Variants in SEMA6D observed in about 807,000 individuals in gnomAD.
The protein encoded by SEMA6D is semaphorin-6D.
In SEMA6D, 35 loss-of-function variants were observed where a neutral mutation model predicts 106.6. The observed-to-expected ratio is 0.33, with a 90% confidence interval of 0.25 to 0.44. The LOEUF (loss-of-function observed/expected upper bound fraction) is 0.44, where lower values mean the gene tolerates loss of function less well. SEMA6D is among the 20% of genes least tolerant of loss of function. SEMA6D has a pLI of 1.00. For synonymous variants in SEMA6D, 499 were observed against 487.7 expected (o/e 1.02, Z -0.31); for missense variants, 1,185 against 1,345.9 (o/e 0.88, Z 1.87).
At chr15:47,335,700 T>A (rs1311726221) in intron 1 of SEMA6D, among the ~76,000 whole-genome samples, 1 of 152,096 alleles carries the variant, frequency 6.6e-6, no homozygotes, top group Admixed American at 6.6e-5. Flanking sequence ...CTTCCACATA[T>A]GGGTCTCACT....
At chr15:47,361,691 G>A (rs2038812784) in intron 1 of SEMA6D, among the ~76,000 whole-genome samples, 1 of 152,174 alleles carries the variant, frequency 6.6e-6, no homozygotes, top group African/African-American at 2.4e-5. Context: ...CAGATGATGA[G>A]AGGAGCCCAA....
intron 2 of SEMA6D, among the ~76,000 whole-genome samples, chr15:47,441,030 G>T (rs1304971805): frequency 6.6e-6 from 1 of 152,020 alleles, no homozygotes; most frequent in Non-Finnish European, 1.5e-5. Context: ...CCATTCCCCT[G>T]ACATTCCGCT....
chr15:47,424,323 A>C (rs1217150447), intron 2 of SEMA6D, among the ~76,000 whole-genome samples: 1 of 152,054 alleles, frequency 6.6e-6, no homozygotes, highest in East Asian at 1.9e-4. Context: ...GAGCCGTAAG[A>C]TATTGCATAC....
chr15:47,612,489 A>G (rs1022834410), intron 4 of SEMA6D, among the ~76,000 whole-genome samples: 19 of 152,224 alleles, frequency 1.2e-4, no homozygotes, highest in Admixed American at 7.2e-4. Flanking sequence ...CTTATCCAAA[A>G]TGATGCCATG....
chr15:47,646,654 G>T (rs976325832), intron 4 of SEMA6D, among the ~76,000 whole-genome samples: 3 of 152,162 alleles, frequency 2.0e-5, no homozygotes, highest in African/African-American at 7.2e-5. Flanking sequence ...ATTCATACTT[G>T]AGACCAGGCC....
chr15:47,511,511 T>A (rs1024171720), intron 3 of SEMA6D, among the ~76,000 whole-genome samples: 1 of 152,122 alleles, frequency 6.6e-6, no homozygotes, highest in East Asian at 1.9e-4. Flanking sequence ...CAGTTTTCAC[T>A]ACCCCCCTCC....
chr15:47,678,411 C>G (rs1485993351), intron 4 of SEMA6D, among the ~76,000 whole-genome samples: 2 of 152,160 alleles, frequency 1.3e-5, no homozygotes, highest in Non-Finnish European at 2.9e-5. Context: ...TCCCTCCCAT[C>G]CTTCCTTTCT....
In SEMA6D at chr15:47,707,758, T is replaced by C. The variant is rs139888300; in HGVS notation, c.-54-51987T>C. 1.9e-3 allele frequency among the ~76,000 whole-genome samples: 287 copies of C among 152,330 alleles called. 1 individual carries two copies. Among genetic ancestry groups the C allele is most frequent in the African/African-American group, 6.8e-3 (282 of 41,572 alleles). On this transcript the variant is annotated intron_variant, in intron 4 of 19. Coordinates refer to the SEMA6D transcript ENST00000558014. ...TGGAAAATATGTTCCCGCTGTCTAC[T>C]GAAGTAACTGTGTAATAATTTCCAA...
intron 1 of SEMA6D, among the ~76,000 whole-genome samples, chr15:47,199,934 A>T (rs1013649835): frequency 6.6e-6 from 1 of 152,144 alleles, no homozygotes; most frequent in Non-Finnish European, 1.5e-5. Flanking sequence ...AGTTACTATT[A>T]TTAATACTGT....
At chr15:47,563,852 T>C (rs1200980462) in intron 3 of SEMA6D, among the ~76,000 whole-genome samples, 1 of 152,192 alleles carries the variant, frequency 6.6e-6, no homozygotes, top group Admixed American at 6.5e-5. Context: ...CTGGTGCCTT[T>C]CCCAAAGATA....
chr15:47,508,000 C>A (rs772170823), intron 3 of SEMA6D, among the ~76,000 whole-genome samples: 4 of 152,202 alleles, frequency 2.6e-5, no homozygotes, highest in African/African-American at 9.6e-5. Context: ...GAGATTTAAA[C>A]TTCAGTTCTT....
At chr15:47,400,055 C>T (rs1283089211) in intron 1 of SEMA6D, among the ~76,000 whole-genome samples, 3 of 152,168 alleles carry the variant, frequency 2.0e-5, no homozygotes, top group African/African-American at 7.2e-5. Flanking sequence ...CCTCACCATC[C>T]TTAAGCTATT....
chr15:47,725,676 A>G (rs2079698290), intron 1 of SEMA6D, among the ~76,000 whole-genome samples: 1 of 152,218 alleles, frequency 6.6e-6, no homozygotes, highest in Middle Eastern at 3.2e-3. Flanking sequence ...ATCCATGGTT[A>G]AGTTTAATAG....
intron 4 of SEMA6D, among the ~76,000 whole-genome samples, chr15:47,687,154 A>G (rs2078487983): frequency 6.6e-6 from 1 of 152,000 alleles, no homozygotes; most frequent in South Asian, 2.1e-4. Flanking sequence ...ATCTAGAAAT[A>G]TGAAGGTTTT....
chr15:47,577,257 A>T (rs1596350694), intron 3 of SEMA6D, among the ~76,000 whole-genome samples: 1 of 152,236 alleles, frequency 6.6e-6, no homozygotes. Context: ...GAAGAAAGTT[A>T]TGCAAGCATA....
chr15:47,250,396 GAGAA>G (rs953930231), intron 1 of SEMA6D, among the ~76,000 whole-genome samples: 5 of 151,308 alleles, frequency 3.3e-5, no homozygotes, highest in East Asian at 1.9e-4. Context: ...AAAAGAGAAA[GAGAA>G]AGAAAGAGAG....
intron 2 of SEMA6D, among the ~76,000 whole-genome samples, chr15:47,459,722 G>A (rs1237140424): frequency 6.6e-6 from 1 of 151,976 alleles, no homozygotes; most frequent in African/African-American, 2.4e-5. Context: ...TCTTTCCCCT[G>A]CAGCTTTGCA....
intron 1 of SEMA6D, among the ~76,000 whole-genome samples, chr15:47,317,461 CCTTT>C (rs892881873): frequency 6.6e-6 from 1 of 152,060 alleles, no homozygotes; most frequent in African/African-American, 2.4e-5. Flanking sequence ...TAGTGGTCTT[CCTTT>C]CTTTATGTAG....
chr15:47,617,956 T>C (rs1239204304), intron 4 of SEMA6D, among the ~76,000 whole-genome samples: 2 of 152,260 alleles, frequency 1.3e-5, no homozygotes, highest in East Asian at 3.8e-4. Context: ...ATGTCTCGTC[T>C]AATTCCTTGT....
Sources: gnomAD v4.1 joint callset for allele counts (sites outside exome capture counted in the v4.1 genomes callset) on GRCh38, gnomAD v4.1.1 for gene constraint, MANE v1.5 for transcripts, NCBI Gene and HGNC (gene_info 2026-07-23, HGNC 2026-07-21) for gene names.